CCBE1: variants seen among roughly 807,000 people sequenced by gnomAD.
The protein encoded by CCBE1 is collagen and calcium-binding EGF domain-containing protein 1.
Under a neutral mutation model 50.0 loss-of-function variants are expected in CCBE1, and 37 were observed. The observed-to-expected ratio is 0.74, with a 90% confidence interval of 0.57 to 0.97. The LOEUF (loss-of-function observed/expected upper bound fraction) is 0.97. Ranked by LOEUF, CCBE1 falls within the 50% of genes least tolerant of loss-of-function variation. The pLI, the probability that CCBE1 is intolerant of heterozygous loss-of-function variation, is 0.00. For missense variants in CCBE1, 538 were observed against 523.8 expected (o/e 1.03, Z -0.26); for synonymous variants, 234 against 203.7 (o/e 1.15, Z -1.27).
intron 2 of CCBE1, among the ~76,000 whole-genome samples, chr18:59,680,465 G>A (rs1356991257): frequency 2.0e-5 from 3 of 152,060 alleles, no homozygotes; most frequent in African/African-American, 7.2e-5. Context: ...TTGGGAGGCT[G>A]AGGCGGGAGG....
At chr18:59,491,840 A>AACAAACAAAAT (rs1454696653) in intron 2 of CCBE1, among the ~76,000 whole-genome samples, 12 of 152,004 alleles carry the variant, frequency 7.9e-5, no homozygotes, top group Non-Finnish European at 1.3e-4. Context: ...ACAAACAAAA[A>AACAAACAAAAT]AAAACGTTTC....
chr18:59,543,006 T>G (rs1371014604), intron 2 of CCBE1, among the ~76,000 whole-genome samples: 1 of 152,174 alleles, frequency 6.6e-6, no homozygotes, highest in Admixed American at 6.5e-5. Context: ...TTTTAAAAAT[T>G]CTTAAAAATT....
At chr18:59,664,095 G>A (rs914841951) in intron 2 of CCBE1, among the ~76,000 whole-genome samples, 2 of 152,144 alleles carry the variant, frequency 1.3e-5, no homozygotes, top group Admixed American at 6.5e-5. Flanking sequence ...GCATGATTGG[G>A]TTCTGGTGAG....
rs1256705375 is a variant in CCBE1 at position 59,435,557 on chromosome 18, C to T, written c.*351G>A. ...CTTTGTCATTTTCCCCCTTTTGATA[C>T]TCTGCCAAATTTAACTTCAAGAATT... is the stretch of plus-strand genomic sequence containing the variant. On this transcript the variant is annotated 3_prime_UTR_variant, in exon 11 of 11. Transcript: ENST00000439986. The T allele has an allele frequency of 9.3e-6, 3 of 322,750 alleles. No homozygotes were observed. Among genetic ancestry groups the T allele is most frequent in the Non-Finnish European group, 1.8e-5 (3 of 169,478 alleles). The allele number at this position is 322,750 out of a possible 1,614,324, so 20.0% of individuals were successfully genotyped here. A position where few individuals can be genotyped will look rare whatever the true frequency, so the allele number is the denominator to read the frequency against.
chr18:59,651,724 G>A (rs143050748), intron 2 of CCBE1, among the ~76,000 whole-genome samples: 30 of 152,274 alleles, frequency 2.0e-4, no homozygotes, highest in Admixed American at 1.7e-3. Flanking sequence ...GTGATGTGGC[G>A]GTGTGTCTTC....
chr18:59,443,972 T>C (rs773989687), intron 7 of CCBE1, among the ~76,000 whole-genome samples: 1 of 152,252 alleles, frequency 6.6e-6, no homozygotes, highest in Non-Finnish European at 1.5e-5. Flanking sequence ...AGATACCTTA[T>C]ATAAGTGTTA....
chr18:59,493,143 A>AATT (rs1913189323), intron 2 of CCBE1, among the ~76,000 whole-genome samples: 1 of 152,248 alleles, frequency 6.6e-6, no homozygotes, highest in African/African-American at 2.4e-5. Flanking sequence ...GGACAGTCTT[A>AATT]AAGGAGAGAG....
At chr18:59,621,627 G>A (rs956112055) in intron 2 of CCBE1, among the ~76,000 whole-genome samples, 6 of 152,112 alleles carry the variant, frequency 3.9e-5, no homozygotes, top group Admixed American at 2.0e-4. Flanking sequence ...TTTTACAGGC[G>A]AGCACAAAGG....
intron 2 of CCBE1, among the ~76,000 whole-genome samples, chr18:59,684,563 C>A (rs537331822): frequency 6.6e-6 from 1 of 152,340 alleles, no homozygotes; most frequent in Non-Finnish European, 1.5e-5. Flanking sequence ...TTGTGTTTTG[C>A]CAGCCTCAAA....
At chr18:59,680,269 C>G (rs1032011103) in intron 2 of CCBE1, among the ~76,000 whole-genome samples, 4 of 151,298 alleles carry the variant, frequency 2.6e-5, no homozygotes, top group African/African-American at 9.7e-5. Context: ...ATCAGATACG[C>G]ACTTATCTCA....
intron 2 of CCBE1, among the ~76,000 whole-genome samples, chr18:59,612,473 C>G (rs2053583814): frequency 6.6e-6 from 1 of 152,140 alleles, no homozygotes; most frequent in South Asian, 2.1e-4. Flanking sequence ...GAGTGCTTCC[C>G]CCAACTCTTG....
chr18:59,517,787 G>C (rs529855902), intron 2 of CCBE1, among the ~76,000 whole-genome samples: 1 of 152,322 alleles, frequency 6.6e-6, no homozygotes, highest in South Asian at 2.1e-4. Context: ...CTGGAAGGGG[G>C]TTCAGAGCCA....
intron 10 of CCBE1, among the ~76,000 whole-genome samples, chr18:59,437,463 G>A (rs561819842): frequency 2.6e-5 from 4 of 152,318 alleles, no homozygotes; most frequent in South Asian, 2.1e-4. Flanking sequence ...TGAAGTGCCC[G>A]TGGTCAGAAA....
chr18:59,658,189 A>G (rs965601452), intron 2 of CCBE1, among the ~76,000 whole-genome samples: 5 of 149,680 alleles, frequency 3.3e-5, no homozygotes, highest in South Asian at 2.1e-4. Flanking sequence ...AGACCATTCA[A>G]TGGTACCTGG....
intron 5 of CCBE1, 150 bp from the exon 6 acceptor site, chr18:59,455,101 G>T: frequency 1.4e-6 from 1 of 709,838 alleles, no homozygotes; most frequent in Non-Finnish European, 2.6e-6. Flanking sequence ...CAGCTCTCAG[G>T]TCCTGCCAGC....
chr18:59,502,937 C>T (rs1366540545), intron 2 of CCBE1, among the ~76,000 whole-genome samples: 1 of 152,204 alleles, frequency 6.6e-6, no homozygotes, highest in Non-Finnish European at 1.5e-5. Flanking sequence ...AATAAATCCC[C>T]TTACAAAGGA....
chr18:59,673,342 T>G (rs768869924), intron 2 of CCBE1, among the ~76,000 whole-genome samples: 2 of 152,096 alleles, frequency 1.3e-5, no homozygotes, highest in Non-Finnish European at 2.9e-5. Flanking sequence ...TACCAGCTAC[T>G]TGGGAAGCTG....
chr18:59,439,398 C>T (rs1910309200), intron 9 of CCBE1, 145 bp downstream of exon 9: 1 of 992,646 alleles, frequency 1.0e-6, no homozygotes, highest in Non-Finnish European at 1.6e-6. Context: ...GCCAGAGAGG[C>T]AGAGGCTGTA....
chr18:59,660,157 T>TCC (rs1232933943), intron 2 of CCBE1, among the ~76,000 whole-genome samples: 1 of 152,154 alleles, frequency 6.6e-6, no homozygotes, highest in African/African-American at 2.4e-5. Context: ...CAGCCTGCAC[T>TCC]CCCTCTATCA....
Sources: gnomAD v4.1 joint callset for allele counts (sites outside exome capture counted in the v4.1 genomes callset) on GRCh38, gnomAD v4.1.1 for gene constraint, MANE v1.5 for transcripts, NCBI Gene and HGNC (gene_info 2026-07-23, HGNC 2026-07-21) for gene names.